MAP4K4: variants seen among roughly 807,000 people sequenced by gnomAD.
MAP4K4 encodes the protein mitogen-activated protein kinase kinase kinase kinase 4.
A neutral mutation model predicts 189.6 loss-of-function variants in MAP4K4; 38 were observed. That is an observed-to-expected ratio of 0.20 (90% CI 0.15 to 0.26). MAP4K4 has a LOEUF of 0.26. Ranked by LOEUF, MAP4K4 falls within the 10% of genes least tolerant of loss-of-function variation. The pLI is 1.00. For missense variants in MAP4K4, 1,054 were observed against 1,726.9 expected, an observed-to-expected ratio of 0.61 and a Z score of 6.91; for synonymous variants, 610 against 624.3, an observed-to-expected ratio of 0.98 and a Z score of 0.34.
At chr2:101,842,352 C>G (rs957856108) in intron 10 of MAP4K4, among the ~76,000 whole-genome samples, 1 of 152,194 alleles carries the variant, frequency 6.6e-6, no homozygotes, top group African/African-American at 2.4e-5. Flanking sequence ...ACGTCCTCAG[C>G]AGTACATCCC....
chr2:101,769,462 A>G (rs2080258115), intron 2 of MAP4K4, among the ~76,000 whole-genome samples: 1 of 152,194 alleles, frequency 6.6e-6, no homozygotes, highest in South Asian at 2.1e-4. Flanking sequence ...GGAGAATGGG[A>G]AAATTACTCA....
At chr2:101,797,908 T>TTTTTTTTTTTTTTTTTC (rs2093940253) in intron 3 of MAP4K4, among the ~76,000 whole-genome samples, 1 of 140,778 alleles carries the variant, frequency 7.1e-6, no homozygotes, top group Admixed American at 7.3e-5. Flanking sequence ...TTTTTTTTTT[T>TTTTTTTTTTTTTTTTTC]TTGGAGACCA....
At chr2:101,731,524 C>G (rs572878275) in intron 2 of MAP4K4, among the ~76,000 whole-genome samples, 2 of 152,120 alleles carry the variant, frequency 1.3e-5, no homozygotes, top group South Asian at 2.1e-4. Context: ...TTTGGGAGGC[C>G]AAGGTGGGCA....
rs139675917 is a variant in MAP4K4, at chr2:101,798,266, A to G, written c.180+7490A>G. 1.4e-4 allele frequency among the ~76,000 whole-genome samples: 22 copies of G among 152,262 alleles called. No homozygotes were observed. The East Asian group carries it at 3.3e-3, about 23-fold the overall frequency. ...TAGTACAGATATACTGTATATCTGT[A>G]TATAACTATATATGTTTATGTACTG... On this transcript the variant is annotated intron_variant, in intron 3 of 32. Transcript: ENST00000324219.
chr2:101,889,420 C>T (rs1354675109), intron 32 of MAP4K4, among the ~76,000 whole-genome samples: 2 of 152,156 alleles, frequency 1.3e-5, no homozygotes, highest in African/African-American at 2.4e-5. Context: ...CTTATGCAGA[C>T]ATAACATACC....
In MAP4K4 at chr2:101,734,780, T is replaced by C. The variant is rs531389392; in HGVS notation, c.123+36242T>C. On this transcript the variant is annotated intron_variant, in intron 2 of 32. Transcript: ENST00000324219. ...AGTAGAAATCCTGGGTCTGTGCTCTTGGCCTGCTGTTCAGGGAATAGCATG... is the reference window on the plus strand; with the variant it reads ...AGTAGAAATCCTGGGTCTGTGCTCTCGGCCTGCTGTTCAGGGAATAGCATG... 2.0e-5 allele frequency among the ~76,000 whole-genome samples: 3 copies of C among 152,266 alleles called. No individual in the cohort carries two copies. The East Asian group carries it at 5.8e-4, about 30-fold the overall frequency.
exon 24 of MAP4K4, chr2:101,871,605 ACCT>A (rs747342080): frequency 1.3e-6 from 2 of 1,534,812 alleles, no homozygotes; most frequent in South Asian, 1.2e-5. Flanking sequence ...CACTTCCTCC[ACCT>A]CCTCCTCCCC....
chr2:101,785,814 C>T (rs1376037230), intron 2 of MAP4K4, among the ~76,000 whole-genome samples: 1 of 123,974 alleles, frequency 8.1e-6, no homozygotes, highest in Non-Finnish European at 1.7e-5. Flanking sequence ...TCTCTTCTTT[C>T]TTTCTTTCTT....
chr2:101,727,455 T>C (rs1339975728), intron 2 of MAP4K4, among the ~76,000 whole-genome samples: 1 of 152,208 alleles, frequency 6.6e-6, no homozygotes, highest in Non-Finnish European at 1.5e-5. Flanking sequence ...TGTCTTTTGA[T>C]TGTAATTGCA....
intron 3 of MAP4K4, among the ~76,000 whole-genome samples, chr2:101,808,602 C>T (rs1265273240): frequency 7.2e-6 from 1 of 139,306 alleles, no homozygotes; most frequent in African/African-American, 2.7e-5. Flanking sequence ...TTATAAATTA[C>T]AGCTCAGTGA....
chr2:101,802,714 C>A (rs1428603582), intron 3 of MAP4K4, among the ~76,000 whole-genome samples: 1 of 152,192 alleles, frequency 6.6e-6, no homozygotes, highest in Non-Finnish European at 1.5e-5. Context: ...TTAATGTATA[C>A]CAGTGCCTCC....
intron 2 of MAP4K4, among the ~76,000 whole-genome samples, chr2:101,727,237 G>A (rs1053378611): frequency 2.6e-5 from 4 of 151,320 alleles, no homozygotes; most frequent in Admixed American, 2.0e-4. Context: ...TGGTGTAGAT[G>A]GTCTGTAGAA....
At chr2:101,836,016 T>G (rs1456063552) in intron 9 of MAP4K4, 38 bp downstream of exon 9, 1 of 1,458,188 alleles carries the variant, frequency 6.9e-7, no homozygotes, top group Non-Finnish European at 9.6e-7. Context: ...CTTTTCCCTT[T>G]TTTTTAAATT....
intron 21 of MAP4K4, among the ~76,000 whole-genome samples, chr2:101,869,341 T>G (rs1458514642): frequency 6.6e-6 from 1 of 151,960 alleles, no homozygotes; most frequent in Non-Finnish European, 1.5e-5. Context: ...TACTATCAGC[T>G]TAACATAAGC....
chr2:101,810,560 C>T (rs7564764), intron 3 of MAP4K4, among the ~76,000 whole-genome samples: 42,350 of 151,772 alleles, frequency 0.28, 6,651 homozygotes, highest in South Asian at 0.49. Flanking sequence ...TACTGTATCC[C>T]TCAGGTTTTA....
chr2:101,735,821 T>C (rs56210012), intron 2 of MAP4K4, among the ~76,000 whole-genome samples: 2,414 of 152,228 alleles, frequency 0.016, 74 homozygotes, highest in African/African-American at 0.055. Context: ...GATAGAAGGG[T>C]ATAAATGAGT....
At position 101,869,630 on chromosome 2, in the gene MAP4K4, C is replaced by T. The variant is rs750583925; in HGVS notation, c.2472C>T (p.Thr824=). ...TCTGTCCTTTGCTTTAGGATCTGACCGCACTGGCCAAAGAGCTTCGAGCAG... is the reference window on the plus strand; with the variant it reads ...TCTGTCCTTTGCTTTAGGATCTGACTGCACTGGCCAAAGAGCTTCGAGCAG... The change falls in exon 22 of 33, where the codon ACC becomes ACT. Residue 824 remains threonine (T), a synonymous_variant. Coordinates refer to ENST00000324219, the Ensembl canonical transcript of MAP4K4. 62 of 1,609,280 alleles carry T rather than the reference C, an allele frequency of 3.9e-5. No individual in the cohort carries two copies. In the Admixed American group the frequency reaches 6.2e-4, roughly 16 times the overall value.
chr2:101,728,839 T>C (rs1263910623), intron 2 of MAP4K4, among the ~76,000 whole-genome samples: 2 of 152,232 alleles, frequency 1.3e-5, no homozygotes, highest in East Asian at 3.8e-4. Context: ...TTGATTTTAA[T>C]GTGCAACATG....
At chr2:101,841,132 A>G (rs2096906404) in intron 10 of MAP4K4, among the ~76,000 whole-genome samples, 1 of 152,150 alleles carries the variant, frequency 6.6e-6, no homozygotes, top group African/African-American at 2.4e-5. Context: ...CTCATCACCC[A>G]CATTTTGCAG....
Sources: gnomAD v4.1 joint callset for allele counts (sites outside exome capture counted in the v4.1 genomes callset) on GRCh38, gnomAD v4.1.1 for gene constraint, MANE v1.5 for transcripts, NCBI Gene and HGNC (gene_info 2026-07-23, HGNC 2026-07-21) for gene names.